WDR27: variants seen among roughly 807,000 people sequenced by gnomAD.
The protein encoded by WDR27 is WD repeat domain 27.
A neutral mutation model predicts 114.4 loss-of-function variants in WDR27; 100 were observed. The observed-to-expected ratio is 0.87, with a 90% confidence interval of 0.74 to 1.03. The LOEUF is 1.03. WDR27 is among the 50% of genes least tolerant of loss of function. WDR27 has a pLI of 0.00. For missense variants in WDR27, 1,129 were observed against 1,092.9 expected (o/e 1.03, Z -0.47); for synonymous variants, 449 against 423.1 (o/e 1.06, Z -0.75).
At chr6:169,586,646 C>T (rs1274034141) in intron 23 of WDR27, among the ~76,000 whole-genome samples, 1 of 151,872 alleles carries the variant, frequency 6.6e-6, no homozygotes, top group Non-Finnish European at 1.5e-5. Flanking sequence ...ATCATGAGAT[C>T]GAGGCCATCC....
chr6:169,490,360 A>G (rs1789585993), intron 25 of WDR27, among the ~76,000 whole-genome samples: 2 of 152,252 alleles, frequency 1.3e-5, no homozygotes, highest in African/African-American at 2.4e-5. Flanking sequence ...GTTTCTAAGA[A>G]GGTTTGGGAT....
chr6:169,472,409 T>C (rs1181393841), intron 25 of WDR27, among the ~76,000 whole-genome samples: 3 of 152,212 alleles, frequency 2.0e-5, no homozygotes, highest in Non-Finnish European at 4.4e-5. Context: ...ACACAGGCTC[T>C]AGAGTCAAAC....
intron 25 of WDR27, among the ~76,000 whole-genome samples, chr6:169,473,682 G>A (rs1010482669): frequency 1.3e-5 from 2 of 152,084 alleles, no homozygotes; most frequent in African/African-American, 4.8e-5. Flanking sequence ...AACAGATTTG[G>A]GGGTTTGGGG....
At chr6:169,631,089 C>G (rs1816239538) in intron 21 of WDR27, among the ~76,000 whole-genome samples, 1 of 152,164 alleles carries the variant, frequency 6.6e-6, no homozygotes. Context: ...ACAGCTTTCC[C>G]AGAAAACACA....
At chr6:169,665,375 T>C (rs1827545219) in intron 7 of WDR27, 111 bp downstream of exon 7, 1 of 1,459,482 alleles carries the variant, frequency 6.9e-7, no homozygotes. Context: ...GGTGGACAGG[T>C]TTTTTCAAAT....
chr6:169,546,145 G>C (rs373427721), intron 25 of WDR27, among the ~76,000 whole-genome samples: 1 of 152,258 alleles, frequency 6.6e-6, no homozygotes, highest in East Asian at 1.9e-4. Context: ...GCAAGGACAC[G>C]AAGAAATGAA....
chr6:169,627,618 C>T (rs930025579), intron 21 of WDR27, among the ~76,000 whole-genome samples: 10 of 152,210 alleles, frequency 6.6e-5, no homozygotes, highest in African/African-American at 2.4e-4. Context: ...CATCCTCCTC[C>T]CTTGGTGCTG....
At chr6:169,576,296 C>T (rs950250436) in intron 24 of WDR27, among the ~76,000 whole-genome samples, 1 of 152,198 alleles carries the variant, frequency 6.6e-6, no homozygotes, top group Non-Finnish European at 1.5e-5. Context: ...TCCACCTTGC[C>T]CCATGGCAGC....
chr6:169,664,316 C>A (rs371684184), intron 7 of WDR27, 30 bp from the exon 8 acceptor site: 2 of 1,613,064 alleles, frequency 1.2e-6, no homozygotes, highest in African/African-American at 1.3e-5. Context: ...GCAGACATGG[C>A]GCTGCAGCAA....
chr6:169,662,491 G>A (rs1478118587), intron 8 of WDR27, 67 bp from the exon 9 acceptor site: 3 of 1,578,086 alleles, frequency 1.9e-6, no homozygotes, highest in African/African-American at 2.7e-5. Flanking sequence ...TAAAGGCTGA[G>A]GACTGCCACA....
At chr6:169,582,642 T>C (rs9396980) in intron 24 of WDR27, among the ~76,000 whole-genome samples, 194 bp downstream of exon 24, 135,868 of 152,132 alleles carry the variant, frequency 0.89, 61,271 homozygotes, top group East Asian at 0.99. Flanking sequence ...GATTCATTTC[T>C]CCACAATAAA....
intron 25 of WDR27, among the ~76,000 whole-genome samples, chr6:169,459,614 G>A (rs915583946): frequency 2.6e-5 from 4 of 151,546 alleles, no homozygotes; most frequent in Admixed American, 6.6e-5. Flanking sequence ...CCAACTAAGA[G>A]GAACTCAAAA....
At chr6:169,593,783 A>G (rs1161233409) in intron 23 of WDR27, among the ~76,000 whole-genome samples, 1 of 152,184 alleles carries the variant, frequency 6.6e-6, no homozygotes, top group Non-Finnish European at 1.5e-5. Context: ...CGGGAGGCGG[A>G]GGTTACAGTG....
intron 25 of WDR27, among the ~76,000 whole-genome samples, chr6:169,531,549 G>A (rs140417350): frequency 5.5e-4 from 83 of 152,236 alleles, no homozygotes; most frequent in African/African-American, 1.7e-3. Flanking sequence ...CATCCAGCTC[G>A]CTGAGTGTTA....
intron 25 of WDR27, among the ~76,000 whole-genome samples, chr6:169,531,692 T>G (rs1226510032): frequency 6.6e-6 from 1 of 151,306 alleles, no homozygotes; most frequent in Non-Finnish European, 1.5e-5. Flanking sequence ...GTCACTTTTT[T>G]GCCCAGGCTG....
chr6:169,623,222 C>T (rs937848464), intron 21 of WDR27, among the ~76,000 whole-genome samples: 13 of 152,172 alleles, frequency 8.5e-5, no homozygotes, highest in South Asian at 4.1e-4. Context: ...ACTCACTCAG[C>T]ACAAGAGGAC....
At chr6:169,593,959 A>G (rs1219243111) in intron 23 of WDR27, among the ~76,000 whole-genome samples, 1 of 152,202 alleles carries the variant, frequency 6.6e-6, no homozygotes, top group Non-Finnish European at 1.5e-5. Flanking sequence ...ACCTGCTTTT[A>G]TCTCTATCCA....
At chr6:169,682,626 G>A (rs868124229) in intron 2 of WDR27, among the ~76,000 whole-genome samples, 7 of 152,172 alleles carry the variant, frequency 4.6e-5, no homozygotes, top group African/African-American at 9.7e-5. Context: ...CCAGACTTAC[G>A]AAGACTTAAA....
rs377444973 is a variant in WDR27 at position 169,608,336 on chromosome 6, C to T, written c.2321+5223G>A. Reference sequence around the variant, plus strand: ...ATATGGAACCAATCTAAGTGCCCATCGACCAATGTATTAGTCCATTTTAAT... The same window carrying T: ...ATATGGAACCAATCTAAGTGCCCATTGACCAATGTATTAGTCCATTTTAAT... On this transcript the variant is annotated intron_variant, in intron 22 of 25. Transcript: ENST00000448612. 1.2e-4 allele frequency among the ~76,000 whole-genome samples: 19 copies of T among 152,210 alleles called. No homozygotes were observed. In the East Asian group the frequency reaches 2.3e-3, roughly 19 times the overall value.
Sources: allele counts gnomAD v4.1 joint callset (sites outside exome capture counted in the v4.1 genomes callset), GRCh38; gene constraint gnomAD v4.1.1; transcripts MANE v1.5; gene names NCBI Gene and HGNC (gene_info 2026-07-23, HGNC 2026-07-21).